The following SCUBE1 variants were observed in gnomAD, a reference collection of about 807,000 sequenced individuals.
The protein encoded by SCUBE1 is signal peptide, CUB domain and EGF like domain containing 1, also known as signal peptide, CUB and EGF-like domain-containing protein 1.
Under a neutral mutation model 124.4 loss-of-function variants are expected in SCUBE1, and 59 were observed. The ratio of observed to expected loss-of-function variants is 0.47; its 90% CI spans 0.38 to 0.59. The LOEUF is 0.59. Among genes scored for constraint, SCUBE1 ranks in the 20% least tolerant of loss-of-function variants. The pLI is 0.00. For synonymous variants in SCUBE1, 545 were observed against 550.9 expected (o/e 0.99, Z 0.15); for missense variants, 1,150 against 1,371.2 (o/e 0.84, Z 2.55).
At chr22:43,209,056 C>G (rs1256493542) in intron 19 of SCUBE1, among the ~76,000 whole-genome samples, 1 of 152,212 alleles carries the variant, frequency 6.6e-6, no homozygotes, top group Non-Finnish European at 1.5e-5. Flanking sequence ...GGTCCCAGGC[C>G]GGTCCCTTGC....
intron 9 of SCUBE1, among the ~76,000 whole-genome samples, 187 bp downstream of exon 9, chr22:43,228,885 C>A (rs532900248): frequency 1.3e-5 from 2 of 152,382 alleles, no homozygotes; most frequent in South Asian, 2.1e-4. Context: ...CCTGCTACCC[C>A]TTGTCTCCCC....
At chr22:43,268,451 C>T (rs576811176) in intron 4 of SCUBE1, among the ~76,000 whole-genome samples, 6 of 152,320 alleles carry the variant, frequency 3.9e-5, no homozygotes, top group South Asian at 2.1e-4. Flanking sequence ...CCAGGCGGCC[C>T]GCCAGGTCGA....
chr22:43,254,980 C>T (rs558069647), intron 6 of SCUBE1, among the ~76,000 whole-genome samples: 10 of 152,314 alleles, frequency 6.6e-5, no homozygotes, highest in Middle Eastern at 3.4e-3. Flanking sequence ...TCCTGGAGGT[C>T]CTGGCCGGTA....
chr22:43,214,303 G>A (rs1921714122), intron 15 of SCUBE1, 52 bp from the exon 16 acceptor site: 1 of 1,560,636 alleles, frequency 6.4e-7, no homozygotes, highest in Admixed American at 1.7e-5. Context: ...GGAGGCCAGG[G>A]GTGTCTCCTG....
At chr22:43,204,311 T>G (rs557851748) in intron 21 of SCUBE1, among the ~76,000 whole-genome samples, 162 bp from the exon 22 acceptor site, 1 of 152,052 alleles carries the variant, frequency 6.6e-6, no homozygotes, top group Non-Finnish European at 1.5e-5. Context: ...TTTATTTGTT[T>G]ATTTTTTTTG....
intron 10 of SCUBE1, among the ~76,000 whole-genome samples, chr22:43,226,453 C>A (rs899453230): frequency 6.6e-6 from 1 of 151,940 alleles, no homozygotes; most frequent in Non-Finnish European, 1.5e-5. Context: ...CCAAGAGAAG[C>A]GCACAGCCTC....
intron 12 of SCUBE1, 62 bp from the exon 13 acceptor site, chr22:43,221,351 G>T (rs1244720486): frequency 6.5e-6 from 6 of 920,060 alleles, no homozygotes; most frequent in Non-Finnish European, 1.1e-5. Context: ...GGTGGTGGGG[G>T]ACGGGGGCTG....
chr22:43,221,324 T>C (rs776360456), intron 12 of SCUBE1, 35 bp from the exon 13 acceptor site: 8 of 1,418,450 alleles, frequency 5.6e-6, no homozygotes, highest in Non-Finnish European at 7.9e-6. Flanking sequence ...GGTGGTGGCC[T>C]CTCCTGCAGG....
intron 4 of SCUBE1, among the ~76,000 whole-genome samples, chr22:43,272,935 G>A (rs1322615005): frequency 1.3e-5 from 2 of 152,244 alleles, no homozygotes; most frequent in Non-Finnish European, 2.9e-5. Context: ...GCAGCTGTCA[G>A]TGCAGAGTTC....
intron 4 of SCUBE1, among the ~76,000 whole-genome samples, chr22:43,281,543 CCCT>C (rs1384557369): frequency 7.2e-6 from 1 of 138,690 alleles, no homozygotes; most frequent in Non-Finnish European, 1.6e-5. Flanking sequence ...CCCTCAGTCA[CCCT>C]CCTGTCACCT....
intron 4 of SCUBE1, among the ~76,000 whole-genome samples, chr22:43,271,144 C>T (rs1924277256): frequency 6.6e-6 from 1 of 152,194 alleles, no homozygotes; most frequent in Non-Finnish European, 1.5e-5. Flanking sequence ...TTCCAGGAAG[C>T]CCTCCTTGTT....
chr22:43,340,622 T>G (rs1295303170), intron 1 of SCUBE1, among the ~76,000 whole-genome samples: 5 of 11,724 alleles, frequency 4.3e-4, no homozygotes, highest in Non-Finnish European at 7.9e-4. Flanking sequence ...TTCCTCAGGT[T>G]ATAGATGAGG....
At chr22:43,281,506 T>TCAGTCACCCTCCTGTCACCTC (rs1924874987) in intron 4 of SCUBE1, among the ~76,000 whole-genome samples, 2 of 46,172 alleles carry the variant, frequency 4.3e-5, no homozygotes, top group East Asian at 1.7e-3. Context: ...TCCTGTCACC[T>TCAGTCACCCTCCTGTCACCTC]CCTCCTCAGC....
chr22:43,227,536 C>T lies in SCUBE1; in HGVS notation c.1085-40G>A, dbSNP rs372211639. 80 of 1,591,336 alleles carry T rather than the reference C, an allele frequency of 5.0e-5. 1 individual carries two copies. The highest frequency in any genetic ancestry group is 1.7e-4 in the Middle Eastern group (1 of 6,034). ...GGCGTAAGGGCAGAGGGGAGGCTGG[C>T]GGCTGGCGGCTGGCAGGGGAAGGGA... On this transcript the variant is annotated intron_variant, in intron 9 of 21. Coordinates refer to ENST00000360835, the MANE Select transcript of SCUBE1 (RefSeq NM_173050.5).
Position 43,286,584 on chromosome 22 carries a change from G to A in SCUBE1, c.484+4462C>T, listed in dbSNP as rs114080034. Reference sequence around the variant, plus strand: ...TTCACCAGGTGGAGGAGGAGACCATGTCACGAACGTCTCTGCTGCTCAGAT... The same window carrying A: ...TTCACCAGGTGGAGGAGGAGACCATATCACGAACGTCTCTGCTGCTCAGAT... On this transcript the variant is annotated intron_variant, in intron 4 of 21. Coordinates refer to ENST00000360835, the MANE Select transcript of SCUBE1 (RefSeq NM_173050.5). Among the ~76,000 whole-genome samples the A allele has an allele frequency of 5.8e-3, 879 of 152,322 alleles. 8 individuals are homozygous for A. The highest frequency in any genetic ancestry group is 0.02 in the African/African-American group (850 of 41,568).
chr22:43,299,557 T>A (rs5759265), intron 3 of SCUBE1, among the ~76,000 whole-genome samples: 81 of 152,114 alleles, frequency 5.3e-4, no homozygotes, highest in African/African-American at 1.9e-3. Context: ...GCACATGGTC[T>A]GCTTGGAGGA....
intron 6 of SCUBE1, among the ~76,000 whole-genome samples, chr22:43,248,367 C>A (rs1162087221): frequency 6.6e-6 from 1 of 152,214 alleles, no homozygotes; most frequent in Non-Finnish European, 1.5e-5. Flanking sequence ...CCAGGCAATG[C>A]CCCGAGCCCT....
At chr22:43,326,342 G>A (rs940743772) in intron 2 of SCUBE1, among the ~76,000 whole-genome samples, 3 of 152,228 alleles carry the variant, frequency 2.0e-5, no homozygotes, top group Middle Eastern at 6.8e-3. Flanking sequence ...GCAACCATTC[G>A]GGGAGAGATG....
chr22:43,287,678 G>A (rs1925198665), intron 4 of SCUBE1, among the ~76,000 whole-genome samples: 1 of 152,244 alleles, frequency 6.6e-6, no homozygotes, highest in African/African-American at 2.4e-5. Flanking sequence ...AGCTGGACAG[G>A]CATGAGGAAG....
Sources: allele counts gnomAD v4.1 joint callset (sites outside exome capture counted in the v4.1 genomes callset), GRCh38; gene constraint gnomAD v4.1.1; transcripts MANE v1.5; gene names NCBI Gene and HGNC (gene_info 2026-07-23, HGNC 2026-07-21).